Variants in NCAM1 observed in about 807,000 individuals in gnomAD.
The protein encoded by NCAM1 is neural cell adhesion molecule 1.
NCAM1 carries 14 observed loss-of-function variants against 109.8 expected under a neutral mutation model. The observed-to-expected ratio is 0.13, with a 90% CI of 0.08 to 0.20. NCAM1 has a LOEUF of 0.20. NCAM1 is among the 10% of genes least tolerant of loss of function. The pLI is 1.00. For synonymous variants in NCAM1, 418 were observed against 442.9 expected (o/e 0.94, Z 0.70); for missense variants, 774 against 1,109.9 (o/e 0.70, Z 4.30).
chr11:112,969,558 C>T (rs776560314), intron 1 of NCAM1, among the ~76,000 whole-genome samples: 17 of 152,106 alleles, frequency 1.1e-4, no homozygotes, highest in African/African-American at 2.7e-4. Context: ...AAGTTGCTGT[C>T]GTTCTGAGCC....
Position 113,204,338 on chromosome 11 carries a change from A to G in NCAM1, c.180A>G (p.Glu60=). 6.2e-7 allele frequency: 1 copy of G among 1,613,930 alleles called. No homozygotes were observed. Among genetic ancestry groups the G allele is most frequent in the Non-Finnish European group, 8.5e-7 (1 of 1,179,868 alleles). Reference sequence around the variant, plus strand: ...TCTCCTGGTTCTCCCCCAATGGAGAAAAGCTCACCCCAAACCAGCAGCGGA... The same window carrying G: ...TCTCCTGGTTCTCCCCCAATGGAGAGAAGCTCACCCCAAACCAGCAGCGGA... ...KDISWFSPNG[E]KLTPNQQRIS... The change falls in exon 3 of 20, where the codon GAA becomes GAG. Residue 60 remains glutamate (E), a synonymous_variant. Coordinates refer to ENST00000316851, the MANE Select transcript of NCAM1 (RefSeq NM_181351.5).
chr11:113,060,159 T>A (rs1398181166), intron 1 of NCAM1, among the ~76,000 whole-genome samples: 3 of 152,012 alleles, frequency 2.0e-5, no homozygotes, highest in African/African-American at 7.2e-5. Flanking sequence ...TTGCTTCACT[T>A]AAAAAGACAA....
At chr11:113,133,941 T>C (rs1479480691) in intron 1 of NCAM1, 1 of 151,970 alleles carries the variant, frequency 6.6e-6, no homozygotes, top group African/African-American at 2.4e-5. Flanking sequence ...GCTAATCACA[T>C]CCACCTACCA....
intron 1 of NCAM1, among the ~76,000 whole-genome samples, chr11:113,022,996 G>C (rs1952434836): frequency 6.6e-6 from 1 of 152,174 alleles, no homozygotes; most frequent in Non-Finnish European, 1.5e-5. Flanking sequence ...ACCCACTGCA[G>C]GAAAGGACAG....
At position 113,277,687 on chromosome 11, in the gene NCAM1, G is replaced by T; in HGVS notation, c.*2300G>T. On this transcript the variant is annotated 3_prime_UTR_variant, in exon 20 of 20. Coordinates refer to ENST00000316851, the MANE Select transcript of NCAM1 (RefSeq NM_181351.5). ...GGTCAAACTGGTTTTGGTTCTGATG[G>T]TTAGGAAGAAACAGGTCAGCCCTCA... The T allele has an allele frequency of 2.9e-6, 1 of 348,584 alleles. No individual in the cohort carries two copies. Among genetic ancestry groups the T allele is most frequent in the Non-Finnish European group, 5.1e-6 (1 of 194,778 alleles). 21.6% of individuals were successfully genotyped at this position (348,584 alleles called of 1,614,324 possible). A position where few individuals can be genotyped will look rare whatever the true frequency, so the allele number is the denominator to read the frequency against.
intron 1 of NCAM1, among the ~76,000 whole-genome samples, chr11:113,035,866 G>A (rs889420672): frequency 6.6e-6 from 1 of 152,018 alleles, no homozygotes; most frequent in Non-Finnish European, 1.5e-5. Context: ...CCATCTCCAC[G>A]CCTCCTGGAA....
chr11:113,136,989 A>C (rs1298629383), intron 1 of NCAM1, among the ~76,000 whole-genome samples: 1 of 152,162 alleles, frequency 6.6e-6, no homozygotes, highest in Non-Finnish European at 1.5e-5. Context: ...TCTTCTGAGG[A>C]AGGTGGGAAC....
intron 1 of NCAM1, among the ~76,000 whole-genome samples, chr11:113,090,494 A>G (rs1386274843): frequency 1.3e-5 from 2 of 152,220 alleles, no homozygotes; most frequent in African/African-American, 4.8e-5. Context: ...GGATATATGC[A>G]ACATTAAGGC....
At chr11:113,234,982 T>C in intron 13 of NCAM1, 51 bp from the exon 14 acceptor site, 1 of 1,515,622 alleles carries the variant, frequency 6.6e-7, no homozygotes, top group Non-Finnish European at 8.9e-7. Flanking sequence ...TCAGAGCGGC[T>C]GCACCATTTT....
At position 113,238,690 on chromosome 11, in the gene NCAM1, C is replaced by G. The variant is rs149046480; in HGVS notation, c.1825+3526C>G. Among the ~76,000 whole-genome samples, 565 of 152,344 alleles carry G rather than the reference C, an allele frequency of 3.7e-3. 2 individuals carry two copies. Among genetic ancestry groups the G allele is most frequent in the Non-Finnish European group, 6.0e-3 (409 of 68,032 alleles). On this transcript the variant is annotated intron_variant, in intron 14 of 19. Coordinates refer to ENST00000316851, the MANE Select transcript of NCAM1 (RefSeq NM_181351.5). Reference sequence around the variant, plus strand: ...AACCAACCACCAGTTTAGCTGTGTGCTTGCACTGAGCCCAAGAACCAGTGG... The same window carrying G: ...AACCAACCACCAGTTTAGCTGTGTGGTTGCACTGAGCCCAAGAACCAGTGG...
intron 1 of NCAM1, among the ~76,000 whole-genome samples, chr11:113,199,121 T>A (rs1433453543): frequency 6.6e-6 from 1 of 152,162 alleles, no homozygotes; most frequent in Admixed American, 6.5e-5. Flanking sequence ...GCTAAGATGA[T>A]GCAGTATTTA....
chr11:112,980,725 A>G (rs190714766), intron 1 of NCAM1, among the ~76,000 whole-genome samples: 275 of 152,030 alleles, frequency 1.8e-3, no homozygotes, highest in South Asian at 8.3e-3. Context: ...AGCAGTGTAC[A>G]TTATACCCAA....
intron 1 of NCAM1, among the ~76,000 whole-genome samples, chr11:112,998,472 A>G (rs1163172410): frequency 2.0e-5 from 3 of 152,254 alleles, no homozygotes; most frequent in African/African-American, 7.2e-5. Context: ...CTAATAAATT[A>G]TGGTGTATCC....
chr11:113,064,764 G>T (rs554769560), intron 1 of NCAM1, among the ~76,000 whole-genome samples: 79 of 152,230 alleles, frequency 5.2e-4, no homozygotes, highest in African/African-American at 1.8e-3. Flanking sequence ...AATTTAAAAT[G>T]TAAATGACAT....
chr11:113,009,312 G>GTTTTTTTTTTGTTGTTT (rs1951973321), intron 1 of NCAM1, among the ~76,000 whole-genome samples: 1 of 79,656 alleles, frequency 1.3e-5, no homozygotes, highest in African/African-American at 4.8e-5. Flanking sequence ...GTTTTTTCGG[G>GTTTTTTTTTTGTTGTTT]TTTTTTTTTT....
intron 17 of NCAM1, among the ~76,000 whole-genome samples, chr11:113,268,173 T>G (rs1198149140): frequency 6.6e-6 from 1 of 152,202 alleles, no homozygotes. Context: ...GTGTCTCCTT[T>G]GCTTTTTGGG....
intron 1 of NCAM1, among the ~76,000 whole-genome samples, chr11:113,174,811 G>C (rs782247616): frequency 2.0e-5 from 3 of 152,184 alleles, no homozygotes; most frequent in Non-Finnish European, 4.4e-5. Context: ...CTTAGGGTAG[G>C]AGGGACTCCT....
chr11:113,053,006 T>G (rs1184285267), intron 1 of NCAM1, among the ~76,000 whole-genome samples: 1 of 151,944 alleles, frequency 6.6e-6, no homozygotes, highest in South Asian at 2.1e-4. Context: ...CCACAAAGAG[T>G]GTAGGTCTTT....
intron 16 of NCAM1, among the ~76,000 whole-genome samples, chr11:113,259,637 T>C (rs1233498545): frequency 6.6e-6 from 1 of 151,984 alleles, no homozygotes; most frequent in East Asian, 1.9e-4. Flanking sequence ...GCATGCAAAG[T>C]TGACCTCCTG....
Sources: gnomAD v4.1 joint callset for allele counts (sites outside exome capture counted in the v4.1 genomes callset) on GRCh38, gnomAD v4.1.1 for gene constraint, MANE v1.5 for transcripts, NCBI Gene and HGNC (gene_info 2026-07-23, HGNC 2026-07-21) for gene names.